Variants in DIP2C observed in about 807,000 individuals in gnomAD.
DIP2C encodes the protein DIP2 acetate--CoA ligase C (putative).
Under a neutral mutation model 192.4 loss-of-function variants are expected in DIP2C, and 33 were observed. The observed-to-expected ratio is 0.17, with a 90% CI of 0.13 to 0.23. DIP2C has a LOEUF of 0.23. Among genes scored for constraint, DIP2C ranks in the 10% least tolerant of loss-of-function variants. DIP2C has a pLI of 1.00. For missense variants in DIP2C, 1,537 were observed against 2,110.1 expected (o/e 0.73, Z 5.32); for synonymous variants, 979 against 864.1 (o/e 1.13, Z -2.33).
intron 17 of DIP2C, among the ~76,000 whole-genome samples, chr10:370,329 C>T (rs566012942): frequency 4.6e-5 from 7 of 152,314 alleles, no homozygotes; most frequent in Admixed American, 3.3e-4. Context: ...CCTCCTCTGC[C>T]GGACACCCCA....
Position 419,132 on chromosome 10 carries a change from C to A in DIP2C, c.672G>T (p.Pro224=), listed in dbSNP as rs571060916. ...TSEHSIQVER[P]QGSTGSRTAP... is the part of the protein sequence containing the mutation. ...CTGTCCGGGACCCCGTGGAACCCTGCGGTCTCTCCACCTGTATCGAGTGCT... is the reference window on the plus strand; with the variant it reads ...CTGTCCGGGACCCCGTGGAACCCTGAGGTCTCTCCACCTGTATCGAGTGCT... The change falls in exon 6 of 37, where the codon CCG becomes CCT. Residue 224 remains proline (P), a synonymous_variant. Transcript: ENST00000280886. 3.0e-5 allele frequency: 49 copies of A among 1,614,264 alleles called. No homozygotes were observed. The South Asian group carries it at 4.2e-4, about 14-fold the overall frequency.
chr10:647,203 A>T (rs1855501901), intron 1 of DIP2C, among the ~76,000 whole-genome samples: 1 of 151,964 alleles, frequency 6.6e-6, no homozygotes, highest in Non-Finnish European at 1.5e-5. Flanking sequence ...AGGGAAACTG[A>T]GTCCACGTCC....
intron 1 of DIP2C, among the ~76,000 whole-genome samples, chr10:523,114 G>T (rs949010505): frequency 6.6e-6 from 1 of 151,936 alleles, no homozygotes; most frequent in Non-Finnish European, 1.5e-5. Flanking sequence ...AGGATGCAGG[G>T]ACTCTGTGTC....
Position 636,587 on chromosome 10 carries a change from C to T in DIP2C, c.85+52907G>A, listed in dbSNP as rs1240546302. Reference sequence around the variant, plus strand: ...GCAGACAAGAACCATTTCAGAGCATCGCTGTCCACTTTATATTCAATAAGC... The same window carrying T: ...GCAGACAAGAACCATTTCAGAGCATTGCTGTCCACTTTATATTCAATAAGC... On this transcript the variant is annotated intron_variant, in intron 1 of 36. Coordinates refer to ENST00000280886, the MANE Select transcript of DIP2C (RefSeq NM_014974.3). The surrounding 1 kb of genome is among the most constrained non-coding windows in gnomAD (Gnocchi z 4.6). 4.6e-5 allele frequency among the ~76,000 whole-genome samples: 7 copies of T among 152,194 alleles called. No individual in the cohort carries two copies. Among genetic ancestry groups the T allele is most frequent in the Non-Finnish European group, 1.0e-4 (7 of 68,042 alleles).
chr10:490,444 T>C (rs2133581107), intron 1 of DIP2C, among the ~76,000 whole-genome samples: 2 of 152,324 alleles, frequency 1.3e-5, no homozygotes, highest in African/African-American at 4.8e-5. Context: ...TGCTTGTTCA[T>C]ATTTCCCCAA....
chr10:532,646 GGT>G (rs1380426008), intron 1 of DIP2C, among the ~76,000 whole-genome samples: 2 of 101,770 alleles, frequency 2.0e-5, no homozygotes, highest in South Asian at 3.0e-4. Flanking sequence ...AGAGAGTATG[GGT>G]GTGAGAGAGA....
chr10:390,457 T>C, intron 11 of DIP2C, 84 bp from the exon 12 acceptor site: 1 of 1,302,066 alleles, frequency 7.7e-7, no homozygotes, highest in Non-Finnish European at 1.1e-6. Flanking sequence ...TGGTACCCTT[T>C]CAAACACGTC....
chr10:629,376 G>A (rs1429896974), intron 1 of DIP2C, among the ~76,000 whole-genome samples: 6 of 152,250 alleles, frequency 3.9e-5, no homozygotes, highest in East Asian at 1.9e-4. Flanking sequence ...GGCAGGGATC[G>A]GAGCCCCCTG....
intron 1 of DIP2C, among the ~76,000 whole-genome samples, chr10:501,715 A>G (rs1395255546): frequency 6.6e-6 from 1 of 152,160 alleles, no homozygotes; most frequent in East Asian, 1.9e-4. Flanking sequence ...GTGAAATTAC[A>G]TTGAATTCAA....
chr10:388,973 A>T (rs1963225325), intron 13 of DIP2C, among the ~76,000 whole-genome samples: 1 of 120,054 alleles, frequency 8.3e-6, no homozygotes, highest in African/African-American at 3.3e-5. Context: ...TGGAGTCTCA[A>T]GGGGCCTCGG....
At chr10:578,131 A>G (rs1051491355) in intron 1 of DIP2C, among the ~76,000 whole-genome samples, 8 of 152,204 alleles carry the variant, frequency 5.3e-5, no homozygotes, top group East Asian at 1.9e-4. Flanking sequence ...AAAGCTCTCT[A>G]TTCTTCTTTT....
rs967035930 is a variant in DIP2C, at chr10:689,038, T to A, written c.85+456A>T. Among the ~76,000 whole-genome samples the A allele has an allele frequency of 5.3e-4, 80 of 152,056 alleles. 1 individual carries two copies. The highest frequency in any genetic ancestry group is 1.9e-3 in the African/African-American group (78 of 41,412). The stretch of plus-strand genomic sequence containing the variant: ...AGCGAGGAGGTGGCGCGCACCGCGC[T>A]GCTGCACCAAGGACGCCGCGGCTCC... On this transcript the variant is annotated intron_variant, in intron 1 of 36. Transcript: ENST00000280886. The surrounding 1 kb of genome is among the most constrained non-coding windows in gnomAD (Gnocchi z 6.1).
chr10:568,765 CAAAAAAA>C (rs1206501677), intron 1 of DIP2C, among the ~76,000 whole-genome samples: 1 of 37,882 alleles, frequency 2.6e-5, no homozygotes, highest in African/African-American at 1.0e-4. Context: ...AACTCCGTCT[CAAAAAAA>C]AAAAAAAAAA....
chr10:530,673 A>C (rs984294725), intron 1 of DIP2C, among the ~76,000 whole-genome samples: 4 of 147,726 alleles, frequency 2.7e-5, no homozygotes, highest in African/African-American at 7.7e-5. Flanking sequence ...AAAAAAAAAA[A>C]AGACTGTTAC....
intron 4 of DIP2C, chr10:430,192 T>C (rs1966844291): frequency 6.6e-6 from 1 of 152,258 alleles, no homozygotes; most frequent in South Asian, 2.1e-4. Flanking sequence ...TCTTCTTAGA[T>C]GAGCCATCTG....
chr10:365,276 T>C (rs1311538990), intron 19 of DIP2C, among the ~76,000 whole-genome samples: 1 of 152,232 alleles, frequency 6.6e-6, no homozygotes, highest in Non-Finnish European at 1.5e-5. Context: ...CTCATGCCTG[T>C]AATCCCGGCA....
intron 32 of DIP2C, among the ~76,000 whole-genome samples, chr10:296,447 A>C (rs576311010): frequency 6.6e-5 from 10 of 152,284 alleles, no homozygotes; most frequent in Admixed American, 2.0e-4. Flanking sequence ...GTGGGACTGT[A>C]AACTAGTTCA....
intron 2 of DIP2C, among the ~76,000 whole-genome samples, chr10:480,685 G>A (rs763735052): frequency 6.6e-6 from 1 of 152,266 alleles, no homozygotes; most frequent in African/African-American, 2.4e-5. Flanking sequence ...ATAGCGGCTG[G>A]CGCCTAAGAC....
At chr10:305,501 G>C (rs150465156) in intron 32 of DIP2C, among the ~76,000 whole-genome samples, 1 of 152,318 alleles carries the variant, frequency 6.6e-6, no homozygotes, top group East Asian at 1.9e-4. Context: ...TAACCAATGA[G>C]TAGGAATTAA....
Sources: allele counts gnomAD v4.1 joint callset (sites outside exome capture counted in the v4.1 genomes callset), GRCh38; gene constraint gnomAD v4.1.1; non-coding constraint Gnocchi (gnomAD v3.1); transcripts MANE v1.5; gene names NCBI Gene and HGNC (gene_info 2026-07-23, HGNC 2026-07-21).